MIDEAS: variants seen among roughly 807,000 people sequenced by gnomAD.
MIDEAS encodes mitotic deacetylase-associated SANT domain protein.
MIDEAS carries 26 observed loss-of-function variants against 102.7 expected under a neutral mutation model. The observed-to-expected ratio is 0.25, with a 90% CI of 0.19 to 0.35. MIDEAS has a LOEUF of 0.35. MIDEAS is among the 10% of genes least tolerant of loss of function. The probability of loss-of-function intolerance (pLI) is 1.00; values close to 1 mark genes in which losing one functional copy is unlikely to be tolerated. For synonymous variants in MIDEAS, 585 were observed against 591.0 expected, an observed-to-expected ratio of 0.99 and a Z score of 0.15; for missense variants, 1,231 against 1,435.6, an observed-to-expected ratio of 0.86 and a Z score of 2.30.
At position 73,759,597 on chromosome 14, in the gene MIDEAS, G is replaced by C. The variant is rs1344549148; in HGVS notation, c.-248+166C>G. Among the ~76,000 whole-genome samples the C allele has an allele frequency of 1.3e-5, 2 of 149,156 alleles. No individual in the cohort carries two copies. The highest frequency in any genetic ancestry group is 2.1e-4 in the South Asian group (1 of 4,830). On this transcript the variant is annotated intron_variant, in intron 1 of 12. Coordinates refer to ENST00000423556, the MANE Select transcript of MIDEAS (RefSeq NM_001367710.1). The surrounding 1 kb of genome is among the most constrained non-coding windows in gnomAD (Gnocchi z 6.7). ...CACGCGCCCGCTCCACCGCCGCCCAGGCCGCAGAAGTTCGAGCGCAGCGGC... is the reference window on the plus strand; with the variant it reads ...CACGCGCCCGCTCCACCGCCGCCCACGCCGCAGAAGTTCGAGCGCAGCGGC...
At chr14:73,736,956 C>A in intron 3 of MIDEAS, 42 bp downstream of exon 3, 1 of 1,579,456 alleles carries the variant, frequency 6.3e-7, no homozygotes, top group South Asian at 1.1e-5. Context: ...GCCCCCTGAG[C>A]ACTCACGCGC....
At chr14:73,719,859 G>A (rs1233709087) in intron 11 of MIDEAS, among the ~76,000 whole-genome samples, 3 of 97,842 alleles carry the variant, frequency 3.1e-5, no homozygotes, top group Non-Finnish European at 6.8e-5. Context: ...TGAGATTCAG[G>A]CCCCTGTGAT....
intron 1 of MIDEAS, among the ~76,000 whole-genome samples, chr14:73,747,627 GT>G (rs1371366853): frequency 6.7e-6 from 1 of 148,650 alleles, no homozygotes; most frequent in Non-Finnish European, 1.5e-5. Flanking sequence ...TCAAGCAGTG[GT>G]TCTTAAACCT....
At position 73,738,766 on chromosome 14, in the gene MIDEAS, T is replaced by G; in HGVS notation, c.1243A>C (p.Arg415=). 6.3e-7 allele frequency: 1 copy of G among 1,596,712 alleles called. No individual in the cohort carries two copies. The highest frequency in any genetic ancestry group is 1.3e-5 in the African/African-American group (1 of 74,434). The change falls in exon 2 of 13, where the codon AGA becomes CGA. Residue 415 remains arginine, a synonymous_variant. Transcript: ENST00000423556. The part of the protein sequence containing the change: ...RESQLLPDGE[R]LAPNGREREA... The stretch of plus-strand genomic sequence containing the variant: ...CGCTCCCGGCCATTGGGTGCTAGTC[T>G]CTCCCCATCAGGCAGTAGCTGCGAC...
At chr14:73,749,454 C>T (rs921140339) in intron 1 of MIDEAS, among the ~76,000 whole-genome samples, 3 of 151,060 alleles carry the variant, frequency 2.0e-5, no homozygotes, top group South Asian at 2.1e-4. Context: ...GAGGATTGCT[C>T]GGGCCCAGGA....
chr14:73,771,657 A>G (rs182049790), intron 1 of MIDEAS, among the ~76,000 whole-genome samples: 52 of 152,330 alleles, frequency 3.4e-4, no homozygotes, highest in Non-Finnish European at 6.8e-4. Flanking sequence ...GCTCAGCGCC[A>G]CACCCAAACC....
At chr14:73,756,295 T>TGTGTGTGTGC (rs55692592) in intron 1 of MIDEAS, among the ~76,000 whole-genome samples, 3,158 of 127,642 alleles carry the variant, frequency 0.025, 39 homozygotes, top group Middle Eastern at 0.052. Context: ...TGTGTGTGTG[T>TGTGTGTGTGC]GCGCGCGCGC....
At chr14:73,755,367 C>G (rs1212666804) in intron 1 of MIDEAS, among the ~76,000 whole-genome samples, 1 of 152,182 alleles carries the variant, frequency 6.6e-6, no homozygotes, top group Non-Finnish European at 1.5e-5. Flanking sequence ...TGGCAACTTT[C>G]TTCTTATATA....
chr14:73,767,167 G>A (rs1241790762), intron 1 of MIDEAS, among the ~76,000 whole-genome samples: 2 of 152,164 alleles, frequency 1.3e-5, no homozygotes, highest in Non-Finnish European at 2.9e-5. Context: ...TTTCTTAGCT[G>A]TATATAAAAT....
At chr14:73,752,663 C>CGTTTG (rs1566599795) in intron 1 of MIDEAS, among the ~76,000 whole-genome samples, 2 of 152,294 alleles carry the variant, frequency 1.3e-5, no homozygotes, top group East Asian at 3.9e-4. Context: ...GACAGACGCC[C>CGTTTG]ATTTGACTCC....
intron 1 of MIDEAS, among the ~76,000 whole-genome samples, chr14:73,780,946 TG>T (rs1344308644): frequency 4.6e-5 from 7 of 150,974 alleles, no homozygotes; most frequent in South Asian, 4.1e-4. Flanking sequence ...GTTTTTTTGT[TG>T]TTGTTGTTGT....
chr14:73,752,952 T>C (rs1031175057), intron 1 of MIDEAS, among the ~76,000 whole-genome samples: 1 of 152,102 alleles, frequency 6.6e-6, no homozygotes, highest in Non-Finnish European at 1.5e-5. Flanking sequence ...GGGCCCCAGG[T>C]CAGACCCAGC....
In MIDEAS at chr14:73,718,417, G is replaced by C. The variant is rs73297459; in HGVS notation, c.*426C>G. ...GCAGCCTTCGAGGTCCTCTGGGGAG[G>C]AGAAATGCTGCTCCAAAGTGGGTGA... On this transcript the variant is annotated 3_prime_UTR_variant, in exon 13 of 13. Transcript: ENST00000423556. 0.028 allele frequency: 4,372 copies of C among 156,344 alleles called. 172 individuals carry two copies. The highest frequency in any genetic ancestry group is 0.097 in the African/African-American group (4,032 of 41,710). 9.7% of individuals were successfully genotyped at this position (156,344 alleles called of 1,614,324 possible).
intron 1 of MIDEAS, among the ~76,000 whole-genome samples, chr14:73,740,970 G>C (rs557986718): frequency 1.6e-4 from 24 of 152,362 alleles, no homozygotes; most frequent in African/African-American, 5.0e-4. Context: ...CCCCTGGGAA[G>C]AGCTGCTGGG....
chr14:73,734,379 T>C (rs2053176658), intron 3 of MIDEAS, among the ~76,000 whole-genome samples: 1 of 152,160 alleles, frequency 6.6e-6, no homozygotes, highest in Admixed American at 6.5e-5. Flanking sequence ...TTAAATTCTT[T>C]CCTATGCATT....
intron 1 of MIDEAS, among the ~76,000 whole-genome samples, chr14:73,784,043 C>T (rs888888932): frequency 6.6e-6 from 1 of 152,244 alleles, no homozygotes; most frequent in African/African-American, 2.4e-5. Flanking sequence ...ATTGGCTTCT[C>T]TCAGTGGCAC....
chr14:73,734,348 G>A (rs926924948), intron 3 of MIDEAS, among the ~76,000 whole-genome samples: 2 of 152,184 alleles, frequency 1.3e-5, no homozygotes, highest in African/African-American at 4.8e-5. Context: ...ATGTCATTAG[G>A]CATTCACTAT....
chr14:73,752,286 C>A (rs1374427966), intron 1 of MIDEAS, among the ~76,000 whole-genome samples: 1 of 152,138 alleles, frequency 6.6e-6, no homozygotes. Context: ...CTGAGCAGAG[C>A]TATAGTGACG....
chr14:73,756,295 T>TGCGCGCGCGC (rs1555344807), intron 1 of MIDEAS, among the ~76,000 whole-genome samples: 5 of 127,718 alleles, frequency 3.9e-5, no homozygotes, highest in East Asian at 2.2e-4. Context: ...TGTGTGTGTG[T>TGCGCGCGCGC]GCGCGCGCGC....
Sources: gnomAD v4.1 joint callset for allele counts (sites outside exome capture counted in the v4.1 genomes callset) on GRCh38, gnomAD v4.1.1 for gene constraint, Gnocchi (gnomAD v3.1) non-coding constraint, MANE v1.5 for transcripts, NCBI Gene and HGNC (gene_info 2026-07-23, HGNC 2026-07-21) for gene names.